The following AUTS2 variants were observed in gnomAD, a reference collection of about 807,000 sequenced individuals.
The protein encoded by AUTS2 is autism susceptibility gene 2 protein.
AUTS2 carries 17 observed loss-of-function variants against 112.4 expected under a neutral mutation model. The observed-to-expected ratio is 0.15, with a 90% CI of 0.10 to 0.23. AUTS2 has a LOEUF of 0.23. Among genes scored for constraint, AUTS2 ranks in the 10% least tolerant of loss-of-function variants. The pLI is 1.00. For missense variants in AUTS2, 1,510 were observed against 1,701.6 expected, an observed-to-expected ratio of 0.89 and a Z score of 1.98; for synonymous variants, 751 against 702.7, an observed-to-expected ratio of 1.07 and a Z score of -1.09.
At chr7:69,767,482 C>T (rs1788477784) in intron 1 of AUTS2, among the ~76,000 whole-genome samples, 1 of 152,184 alleles carries the variant, frequency 6.6e-6, no homozygotes, top group Non-Finnish European at 1.5e-5. Flanking sequence ...CCTAAAAAGA[C>T]ATTTCTAATT....
chr7:70,303,503 T>C (rs1789341616), intron 4 of AUTS2, among the ~76,000 whole-genome samples: 1 of 149,396 alleles, frequency 6.7e-6, no homozygotes, highest in African/African-American at 2.5e-5. Context: ...GAGTATCACA[T>C]AATCACTCTT....
At chr7:70,190,485 G>A (rs772993292) in intron 4 of AUTS2, among the ~76,000 whole-genome samples, 3 of 152,040 alleles carry the variant, frequency 2.0e-5, no homozygotes, top group Admixed American at 6.6e-5. Context: ...CCTCACTGCC[G>A]CATTTTCGTT....
chr7:69,679,966 A>G (rs1182937599), intron 1 of AUTS2, among the ~76,000 whole-genome samples: 1 of 152,204 alleles, frequency 6.6e-6, no homozygotes. Context: ...ACTTATAAGA[A>G]TTACCATTTC....
intron 5 of AUTS2, among the ~76,000 whole-genome samples, chr7:70,475,008 G>A (rs1230023347): frequency 6.6e-6 from 1 of 152,138 alleles, no homozygotes; most frequent in African/African-American, 2.4e-5. Flanking sequence ...ATTTATATCT[G>A]CTTTTTTGTT....
chr7:70,040,309 G>A (rs949306865), intron 2 of AUTS2, among the ~76,000 whole-genome samples: 3 of 152,176 alleles, frequency 2.0e-5, no homozygotes, highest in Non-Finnish European at 4.4e-5. Context: ...GGGACAGGAA[G>A]TACATGGGAA....
chr7:70,626,379 A>G (rs1264390438), intron 5 of AUTS2, among the ~76,000 whole-genome samples: 1 of 137,844 alleles, frequency 7.3e-6, no homozygotes, highest in African/African-American at 2.6e-5. Flanking sequence ...AAAAAAAAAA[A>G]AAAAATTATG....
chr7:69,821,841 A>C (rs1156793306), intron 1 of AUTS2, among the ~76,000 whole-genome samples: 2 of 149,748 alleles, frequency 1.3e-5, no homozygotes, highest in African/African-American at 4.9e-5. Flanking sequence ...GATTGAGCTC[A>C]GGAGGTTGAG....
In AUTS2 at chr7:70,210,029, A is replaced by G. The variant is rs147162947; in HGVS notation, c.660+75458A>G. Among the ~76,000 whole-genome samples the G allele has an allele frequency of 5.2e-3, 791 of 152,284 alleles. 42 individuals carry two copies. The highest frequency in any genetic ancestry group is 0.049 in the Admixed American group (747 of 15,298). On this transcript the variant is annotated intron_variant, in intron 4 of 18. Transcript: ENST00000342771. ...GACAAGATTTTTAAAAATGGATTCA[A>G]TTCTGGGAACAACAAATGACATTGG...
At position 70,493,701 on chromosome 7, in the gene AUTS2, A is replaced by C. The variant is rs540421025; in HGVS notation, c.690+57920A>C. 1.5e-4 allele frequency among the ~76,000 whole-genome samples: 23 copies of C among 152,328 alleles called. No homozygotes were observed. The South Asian group carries it at 4.6e-3, about 30-fold the overall frequency. ...GGATGTGAATTCTAATATAGGAATT[A>C]GAATTCCTATATTAAAAATTGTATT... On this transcript the variant is annotated intron_variant, in intron 5 of 18. Transcript: ENST00000342771.
intron 4 of AUTS2, among the ~76,000 whole-genome samples, chr7:70,176,086 A>G (rs980784257): frequency 2.6e-5 from 4 of 152,180 alleles, no homozygotes; most frequent in African/African-American, 9.6e-5. Context: ...TCCATGTATT[A>G]CTTCAACAGG....
chr7:70,572,653 C>A (rs1295896579), intron 5 of AUTS2, among the ~76,000 whole-genome samples: 1 of 151,996 alleles, frequency 6.6e-6, no homozygotes, highest in Non-Finnish European at 1.5e-5. Context: ...GCACTGAATT[C>A]CTATTATGTA....
chr7:69,638,005 C>A (rs919251006), intron 1 of AUTS2, among the ~76,000 whole-genome samples: 1 of 151,902 alleles, frequency 6.6e-6, no homozygotes, highest in Non-Finnish European at 1.5e-5. Context: ...CATCTAAGAC[C>A]CTCCCCCTAA....
intron 5 of AUTS2, among the ~76,000 whole-genome samples, chr7:70,566,198 G>A (rs2189963): frequency 6.6e-6 from 1 of 152,004 alleles, no homozygotes; most frequent in Non-Finnish European, 1.5e-5. Flanking sequence ...ATTGTCACCA[G>A]TGCCAAATTA....
intron 1 of AUTS2, among the ~76,000 whole-genome samples, chr7:69,867,867 A>G (rs1793305771): frequency 6.6e-6 from 1 of 152,182 alleles, no homozygotes; most frequent in Admixed American, 6.6e-5. Flanking sequence ...AAAATACAGG[A>G]CACATAGATA....
intron 1 of AUTS2, among the ~76,000 whole-genome samples, chr7:69,893,219 C>T (rs899977123): frequency 1.3e-5 from 2 of 152,196 alleles, no homozygotes; most frequent in African/African-American, 2.4e-5. Context: ...CTTGTACATT[C>T]CTACAGATAG....
intron 1 of AUTS2, among the ~76,000 whole-genome samples, chr7:69,884,095 A>G (rs979662727): frequency 6.6e-6 from 1 of 152,194 alleles, no homozygotes; most frequent in Non-Finnish European, 1.5e-5. Context: ...GCATGGAAGG[A>G]AATTGTTTAA....
chr7:70,287,388 C>T (rs1357762323), intron 4 of AUTS2, among the ~76,000 whole-genome samples: 3 of 152,156 alleles, frequency 2.0e-5, no homozygotes, highest in African/African-American at 4.8e-5. Flanking sequence ...TATATTTTTA[C>T]ATGCTGTCAG....
intron 10 of AUTS2, among the ~76,000 whole-genome samples, chr7:70,768,803 A>G (rs1415529251): frequency 6.7e-6 from 1 of 149,526 alleles, no homozygotes; most frequent in Admixed American, 6.7e-5. Flanking sequence ...GAATATTTCC[A>G]TGATATTTTG....
intron 1 of AUTS2, among the ~76,000 whole-genome samples, chr7:69,636,799 T>G (rs1442737831): frequency 6.6e-6 from 1 of 152,064 alleles, no homozygotes; most frequent in East Asian, 1.9e-4. Flanking sequence ...GGAGTCTCGT[T>G]CTGTCGCCCA....
Sources: allele counts gnomAD v4.1 joint callset (sites outside exome capture counted in the v4.1 genomes callset), GRCh38; gene constraint gnomAD v4.1.1; transcripts MANE v1.5; gene names NCBI Gene and HGNC (gene_info 2026-07-23, HGNC 2026-07-21).